UNC5D: variants seen among roughly 807,000 people sequenced by gnomAD.
UNC5D encodes unc-5 netrin receptor D, also known as netrin receptor UNC5D.
UNC5D carries 39 observed loss-of-function variants against 105.4 expected under a neutral mutation model. The ratio of observed to expected loss-of-function variants is 0.37; its 90% confidence interval spans 0.29 to 0.48. The LOEUF (loss-of-function observed/expected upper bound fraction) is 0.48, where lower values mean the gene tolerates loss of function less well. Among genes scored for constraint, UNC5D ranks in the 20% least tolerant of loss-of-function variants. UNC5D has a pLI of 0.98. For synonymous variants in UNC5D, 452 were observed against 450.4 expected (o/e 1.00, Z -0.04); for missense variants, 991 against 1,202.4 (o/e 0.82, Z 2.60).
At chr8:35,285,372 C>T (rs752540315) in intron 1 of UNC5D, among the ~76,000 whole-genome samples, 7 of 152,260 alleles carry the variant, frequency 4.6e-5, no homozygotes, top group South Asian at 2.1e-4. Context: ...GGAAGATAAC[C>T]GTTGTCCCGA....
chr8:35,520,552 T>A (rs1354103371), intron 1 of UNC5D, among the ~76,000 whole-genome samples: 1 of 152,168 alleles, frequency 6.6e-6, no homozygotes, highest in Non-Finnish European at 1.5e-5. Flanking sequence ...CGGTGAATTA[T>A]ATGGTATGTG....
At chr8:35,390,666 T>G (rs1803714095) in intron 1 of UNC5D, among the ~76,000 whole-genome samples, 1 of 152,230 alleles carries the variant, frequency 6.6e-6, no homozygotes, top group African/African-American at 2.4e-5. Flanking sequence ...TGGCGTTTCA[T>G]TAATCCTAGC....
intron 1 of UNC5D, among the ~76,000 whole-genome samples, chr8:35,391,310 C>T (rs191230719): frequency 1.3e-5 from 2 of 152,280 alleles, no homozygotes; most frequent in African/African-American, 4.8e-5. Context: ...GATTGAAATT[C>T]TTCAGTTAGT....
chr8:35,508,858 T>C (rs371074750), intron 1 of UNC5D, among the ~76,000 whole-genome samples: 2 of 152,204 alleles, frequency 1.3e-5, no homozygotes, highest in African/African-American at 4.8e-5. Flanking sequence ...CTGGAGGTAT[T>C]TGGCAGAATT....
intron 1 of UNC5D, among the ~76,000 whole-genome samples, chr8:35,308,997 G>A (rs1808661685): frequency 6.6e-6 from 1 of 152,090 alleles, no homozygotes; most frequent in Admixed American, 6.6e-5. Flanking sequence ...GATAGGGGTG[G>A]TGATTTTAAG....
Position 35,574,036 on chromosome 8 carries a change from G to A in UNC5D, c.466+5795G>A, listed in dbSNP as rs141430075. Among the ~76,000 whole-genome samples the A allele has an allele frequency of 9.3e-3, 1,424 of 152,314 alleles. 17 individuals carry two copies. Among genetic ancestry groups the A allele is most frequent in the Middle Eastern group, 0.041 (12 of 294 alleles). On this transcript the variant is annotated intron_variant, in intron 3 of 16. Transcript: ENST00000404895. ...TGGTTCAATAGAGCCAGAGATAGAC[G>A]GGCACGCCATGGCATCTGTTACTTC...
intron 1 of UNC5D, among the ~76,000 whole-genome samples, chr8:35,497,775 TA>T (rs2130194060): frequency 6.6e-6 from 1 of 151,744 alleles, no homozygotes; most frequent in Non-Finnish European, 1.5e-5. Flanking sequence ...TCCATTGAGA[TA>T]AGAGGAAAAT....
intron 4 of UNC5D, 135 bp downstream of exon 4, chr8:35,595,792 A>T (rs1468475491): frequency 1.4e-6 from 1 of 690,780 alleles, no homozygotes; most frequent in Non-Finnish European, 2.5e-6. Context: ...CTCAGTTGCT[A>T]AACACGGTGA....
chr8:35,372,238 C>T (rs144115112), intron 1 of UNC5D, among the ~76,000 whole-genome samples: 1 of 152,242 alleles, frequency 6.6e-6, no homozygotes, highest in East Asian at 1.9e-4. Flanking sequence ...ATCCTCCCAC[C>T]TCAGCCTCCC....
intron 1 of UNC5D, among the ~76,000 whole-genome samples, chr8:35,288,796 A>G (rs890867404): frequency 2.0e-5 from 3 of 152,198 alleles, no homozygotes; most frequent in Admixed American, 6.5e-5. Context: ...TTTCATAAGG[A>G]TGAGATATTT....
chr8:35,741,361 C>T (rs1829750295), intron 11 of UNC5D, among the ~76,000 whole-genome samples: 1 of 152,116 alleles, frequency 6.6e-6, no homozygotes, highest in South Asian at 2.1e-4. Flanking sequence ...TTCTGTGATC[C>T]TATTTCAGAT....
intron 1 of UNC5D, among the ~76,000 whole-genome samples, chr8:35,483,746 C>T (rs1011216045): frequency 2.6e-5 from 4 of 152,150 alleles, no homozygotes; most frequent in African/African-American, 9.7e-5. Flanking sequence ...CCCTAATCTC[C>T]ATGGGGCCGA....
intron 4 of UNC5D, among the ~76,000 whole-genome samples, chr8:35,671,117 C>T (rs1824770086): frequency 6.6e-6 from 1 of 152,020 alleles, no homozygotes; most frequent in African/African-American, 2.4e-5. Flanking sequence ...CTAAGTCGGC[C>T]ATCCTTCATA....
chr8:35,512,485 T>TAG (rs1563488093), intron 1 of UNC5D, among the ~76,000 whole-genome samples: 1 of 113,662 alleles, frequency 8.8e-6, no homozygotes, highest in Non-Finnish European at 1.8e-5. Context: ...TATATATATA[T>TAG]ATATATATAT....
chr8:35,533,600 G>C (rs537838988), intron 1 of UNC5D, among the ~76,000 whole-genome samples: 14 of 152,340 alleles, frequency 9.2e-5, no homozygotes, highest in African/African-American at 3.4e-4. Context: ...TGGCTGCTTT[G>C]TTTACCTAAG....
chr8:35,447,904 T>C (rs1284959486), intron 1 of UNC5D, among the ~76,000 whole-genome samples: 2 of 152,114 alleles, frequency 1.3e-5, no homozygotes, highest in East Asian at 1.9e-4. Context: ...TCTGAAGGTA[T>C]GGAAATCAAG....
chr8:35,746,614 C>T (rs1345646713), intron 11 of UNC5D, among the ~76,000 whole-genome samples: 4 of 152,128 alleles, frequency 2.6e-5, no homozygotes, highest in Admixed American at 2.6e-4. Flanking sequence ...TTTAAGTTAC[C>T]ACTGTGAAAG....
intron 4 of UNC5D, among the ~76,000 whole-genome samples, chr8:35,641,386 G>GAAAAAAAAAAAAAAAAAAAGA (rs1209560462): frequency 1.1e-5 from 1 of 91,846 alleles, no homozygotes; most frequent in African/African-American, 4.1e-5. Context: ...AAAAAAAAAA[G>GAAAAAAAAAAAAAAAAAAAGA]AAAAAAAAAA....
chr8:35,756,379 T>C (rs1830518623), intron 13 of UNC5D, among the ~76,000 whole-genome samples: 1 of 152,054 alleles, frequency 6.6e-6, no homozygotes, highest in Non-Finnish European at 1.5e-5. Flanking sequence ...CAGATATCTA[T>C]TTTTTAAATT....
Sources: gnomAD v4.1 joint callset for allele counts (sites outside exome capture counted in the v4.1 genomes callset) on GRCh38, gnomAD v4.1.1 for gene constraint, MANE v1.5 for transcripts, NCBI Gene and HGNC (gene_info 2026-07-23, HGNC 2026-07-21) for gene names.